KLF12: variants seen among roughly 807,000 people sequenced by gnomAD.
KLF12 encodes KLF transcription factor 12, also known as Krueppel-like factor 12.
Under a neutral mutation model 37.8 loss-of-function variants are expected in KLF12, and 9 were observed. That is an observed-to-expected ratio of 0.24 (90% CI 0.14 to 0.42). The LOEUF is 0.42. Ranked by LOEUF, KLF12 falls within the 10% of genes least tolerant of loss-of-function variation. The probability of loss-of-function intolerance (pLI) is 1.00; values close to 1 mark genes in which losing one functional copy is unlikely to be tolerated. For synonymous variants in KLF12, 208 were observed against 202.1 expected (o/e 1.03, Z -0.25); for missense variants, 411 against 516.0 (o/e 0.80, Z 1.97).
In KLF12 at chr13:73,733,542, ACACT is replaced by A. The variant is rs149563655; in HGVS notation, c.870-18021_870-18018del. Among the ~76,000 whole-genome samples, 769 of 152,288 alleles carry A rather than the reference ACACT, an allele frequency of 5.0e-3. 3 individuals carry two copies. Among genetic ancestry groups the A allele is most frequent in the African/African-American group, 0.017 (725 of 41,560 alleles). ...CACGCACGATCATATACACACATGC[ACACT>A]CACACACACACTTTATCCTTATTCA... On this transcript the variant is annotated intron_variant, in intron 6 of 7. Transcript: ENST00000377669.
At chr13:74,216,364 C>G in the KLF12 span, among the ~76,000 whole-genome samples, 1 of 151,996 alleles carries the variant, frequency 6.6e-6, no homozygotes, top group African/African-American at 2.4e-5. Context: ...TCATTGGCCA[C>G]AGGGTAATGT....
At chr13:74,226,486 C>T in the KLF12 span, among the ~76,000 whole-genome samples, 1 of 151,954 alleles carries the variant, frequency 6.6e-6, no homozygotes, top group African/African-American at 2.4e-5. Flanking sequence ...GTGGGCATGC[C>T]CATTAGGCGG....
At chr13:73,794,636 T>C (rs1881864275) in intron 5 of KLF12, among the ~76,000 whole-genome samples, 1 of 152,212 alleles carries the variant, frequency 6.6e-6, no homozygotes, top group Non-Finnish European at 1.5e-5. Context: ...ATTTAAAGGA[T>C]GACTTTGAAA....
chr13:73,734,303 T>C (rs1877285615), intron 6 of KLF12, among the ~76,000 whole-genome samples: 1 of 152,132 alleles, frequency 6.6e-6, no homozygotes, highest in Non-Finnish European at 1.5e-5. Flanking sequence ...TTGCTTTGCT[T>C]CATATACCTT....
chr13:73,699,666 C>T (rs1874403931), intron 7 of KLF12, among the ~76,000 whole-genome samples: 1 of 152,194 alleles, frequency 6.6e-6, no homozygotes, highest in Non-Finnish European at 1.5e-5. Flanking sequence ...ACTGTGAACA[C>T]TGATGAGTTA....
intron 7 of KLF12, among the ~76,000 whole-genome samples, chr13:73,712,442 G>A (rs1208337130): frequency 1.3e-5 from 2 of 151,484 alleles, no homozygotes; most frequent in Non-Finnish European, 2.9e-5. Flanking sequence ...TGCTTCTTAC[G>A]GATGCGCAAA....
chr13:73,804,847 G>A (rs1882474804), intron 5 of KLF12, among the ~76,000 whole-genome samples: 1 of 152,174 alleles, frequency 6.6e-6, no homozygotes, highest in Non-Finnish European at 1.5e-5. Flanking sequence ...GGATTTAAAG[G>A]TGTCCCAAAC....
the KLF12 span, among the ~76,000 whole-genome samples, chr13:74,157,342 T>A: frequency 0.18 from 27,435 of 152,168 alleles, 2,926 homozygotes; most frequent in African/African-American, 0.3. Context: ...GTTTACCTGA[T>A]CCTATAGCCA....
the KLF12 span, among the ~76,000 whole-genome samples, chr13:74,297,260 G>A: frequency 6.6e-6 from 1 of 152,110 alleles, no homozygotes; most frequent in Non-Finnish European, 1.5e-5. Context: ...TGTATTCCCT[G>A]GAGCACTAGT....
intron 5 of KLF12, among the ~76,000 whole-genome samples, chr13:73,796,507 C>CTGTGTGTGTGTGTG (rs5804694): frequency 0.017 from 2,395 of 140,330 alleles, 39 homozygotes; most frequent in Non-Finnish European, 0.022. Flanking sequence ...TGCCCCTGTG[C>CTGTGTGTGTGTGTG]TGTGTGTGTG....
chr13:74,166,837 A>C, the KLF12 span, among the ~76,000 whole-genome samples: 1 of 152,312 alleles, frequency 6.6e-6, no homozygotes. Flanking sequence ...TCAAATAATT[A>C]GCTCTTCTCC....
intron 6 of KLF12, among the ~76,000 whole-genome samples, chr13:73,745,651 T>C (rs559843937): frequency 1.3e-5 from 2 of 152,288 alleles, no homozygotes; most frequent in Admixed American, 1.3e-4. Context: ...TTGTTAACAC[T>C]TGTCATTGTT....
At chr13:74,233,010 C>T in the KLF12 span, among the ~76,000 whole-genome samples, 12 of 152,098 alleles carry the variant, frequency 7.9e-5, no homozygotes, top group African/African-American at 2.4e-4. Flanking sequence ...CTCAGCCTCC[C>T]GAGTAGCTGG....
intron 5 of KLF12, among the ~76,000 whole-genome samples, chr13:73,783,585 T>A (rs987450024): frequency 2.6e-5 from 4 of 152,128 alleles, no homozygotes; most frequent in Non-Finnish European, 5.9e-5. Flanking sequence ...ATATCCCACG[T>A]ACCCTATAAA....
rs990739016 is a variant in KLF12, at chr13:73,695,082, G to A, written c.*408C>T. On this transcript the variant is annotated 3_prime_UTR_variant, in exon 8 of 8. Transcript: ENST00000377669. ...TAAAATTTCTGTAAAAAGGGGTTAA[G>A]GGATGGGATGATGGGAGATTCATCC... The A allele has an allele frequency of 3.1e-5, 5 of 163,644 alleles. No homozygotes were observed. The highest frequency in any genetic ancestry group is 5.3e-5 in the Non-Finnish European group (4 of 74,968). The allele number at this position is 163,644 out of a possible 1,614,324, so 10.1% of individuals were successfully genotyped here. A position where few individuals can be genotyped will look rare whatever the true frequency, so the allele number is the denominator to read the frequency against.
the KLF12 span, among the ~76,000 whole-genome samples, chr13:74,180,012 T>C: frequency 1.3e-5 from 2 of 152,220 alleles, no homozygotes; most frequent in East Asian, 3.8e-4. Context: ...TTGTAACAAA[T>C]CTGGGAGATA....
At chr13:73,844,242 A>G (rs1400393335) in intron 4 of KLF12, among the ~76,000 whole-genome samples, 1 of 152,214 alleles carries the variant, frequency 6.6e-6, no homozygotes, top group Non-Finnish European at 1.5e-5. Flanking sequence ...AACATTTGCA[A>G]TATCATTTCT....
the KLF12 span, among the ~76,000 whole-genome samples, chr13:74,195,765 A>ATT: frequency 6.6e-6 from 1 of 151,988 alleles, no homozygotes; most frequent in South Asian, 2.1e-4. Flanking sequence ...TGCCTAGCTA[A>ATT]TTTTTGTGTT....
At chr13:74,214,433 G>C in the KLF12 span, among the ~76,000 whole-genome samples, 1 of 152,270 alleles carries the variant, frequency 6.6e-6, no homozygotes, top group African/African-American at 2.4e-5. Flanking sequence ...TCGTTGTTCA[G>C]TAACTTCTTG....
Sources: gnomAD v4.1 joint callset for allele counts (sites outside exome capture counted in the v4.1 genomes callset) on GRCh38, gnomAD v4.1.1 for gene constraint, MANE v1.5 for transcripts, NCBI Gene and HGNC (gene_info 2026-07-23, HGNC 2026-07-21) for gene names.